Variants in NSD1 observed in about 807,000 individuals in gnomAD.
NSD1 encodes histone-lysine N-methyltransferase, H3 lysine-36 specific.
NSD1 carries 26 observed loss-of-function variants against 242.7 expected under a neutral mutation model. That is an observed-to-expected ratio of 0.11 (90% CI 0.08 to 0.15). The LOEUF (loss-of-function observed/expected upper bound fraction) is 0.15, where lower values mean the gene tolerates loss of function less well. NSD1 is among the 10% of genes least tolerant of loss of function. The probability of loss-of-function intolerance (pLI) is 1.00; values close to 1 mark genes in which losing one functional copy is unlikely to be tolerated. For synonymous variants in NSD1, 1,106 were observed against 1,178.1 expected (o/e 0.94, Z 1.25); for missense variants, 2,495 against 3,272.8 (o/e 0.76, Z 5.80).
chr5:177,230,375 G>A (rs1026679788), intron 5 of NSD1, among the ~76,000 whole-genome samples: 8 of 152,128 alleles, frequency 5.3e-5, no homozygotes, highest in African/African-American at 1.9e-4. Context: ...GATGTATCCA[G>A]TACAGAATTT....
At chr5:177,288,576 A>C (rs913119802) in intron 20 of NSD1, 4 of 442,336 alleles carry the variant, frequency 9.0e-6, no homozygotes, top group South Asian at 7.8e-5. Context: ...ACTTGAGGTA[A>C]TTAACACCTC....
In NSD1 at chr5:177,238,570, G is replaced by C; in HGVS notation, c.4192+63G>C. On this transcript the variant is annotated intron_variant, in intron 7 of 22. Coordinates refer to ENST00000439151, the MANE Select transcript of NSD1 (RefSeq NM_022455.5). The surrounding 1 kb of genome is among the most constrained non-coding windows in gnomAD (Gnocchi z 4.6). ...TGATTAGAGGAAGCAGGAGATTTTAGTATGTTTTGATGTAAAGCCAACATT... is the reference window on the plus strand; with the variant it reads ...TGATTAGAGGAAGCAGGAGATTTTACTATGTTTTGATGTAAAGCCAACATT... 2 of 1,584,192 alleles carry C rather than the reference G, an allele frequency of 1.3e-6. No individual in the cohort carries two copies. Among genetic ancestry groups the C allele is most frequent in the Non-Finnish European group, 1.7e-6 (2 of 1,164,012 alleles).
At chr5:177,208,936 T>C (rs1453834729) in intron 4 of NSD1, among the ~76,000 whole-genome samples, 1 of 151,970 alleles carries the variant, frequency 6.6e-6, no homozygotes, top group Admixed American at 6.6e-5. Context: ...CCTGAGGTGA[T>C]TCGTCCTCCT....
chr5:177,143,131 G>A (rs983504272), intron 2 of NSD1, among the ~76,000 whole-genome samples: 1 of 152,144 alleles, frequency 6.6e-6, no homozygotes, highest in Non-Finnish European at 1.5e-5. Flanking sequence ...TTTTAGAAAG[G>A]TGATAAGTGG....
intron 16 of NSD1, among the ~76,000 whole-genome samples, chr5:177,272,649 G>C (rs1455549898): frequency 6.6e-6 from 1 of 152,168 alleles, no homozygotes; most frequent in Non-Finnish European, 1.5e-5. Context: ...TAACACTTTG[G>C]AAGGCTGAGG....
intron 2 of NSD1, among the ~76,000 whole-genome samples, chr5:177,149,412 G>T (rs552903820): frequency 6.6e-6 from 1 of 151,674 alleles, no homozygotes; most frequent in Admixed American, 6.6e-5. Flanking sequence ...TAGACATGGG[G>T]TTTCACCACG....
At chr5:177,233,503 G>A (rs958226827) in intron 5 of NSD1, among the ~76,000 whole-genome samples, 4 of 148,196 alleles carry the variant, frequency 2.7e-5, no homozygotes, top group East Asian at 4.0e-4. Flanking sequence ...GGTGTAGCTC[G>A]CATTATAGAC....
chr5:177,212,390 G>A (rs1352039730), intron 5 of NSD1, among the ~76,000 whole-genome samples, 195 bp downstream of exon 5: 1 of 151,608 alleles, frequency 6.6e-6, no homozygotes, highest in Non-Finnish European at 1.5e-5. Context: ...ATATTCAAAA[G>A]TTAAACTTTA....
At chr5:177,284,072 C>G (rs1199194098) in intron 20 of NSD1, 144 bp downstream of exon 20, 7 of 995,978 alleles carry the variant, frequency 7.0e-6, no homozygotes, top group Middle Eastern at 3.0e-4. Context: ...TTTGTGCAAC[C>G]ATCACCACCA....
intron 5 of NSD1, among the ~76,000 whole-genome samples, chr5:177,232,616 T>TAA (rs1765147167): frequency 2.0e-5 from 3 of 152,206 alleles, no homozygotes; most frequent in Non-Finnish European, 4.4e-5. Flanking sequence ...TAAAAGGTGA[T>TAA]AAAATGGCAC....
At chr5:177,165,564 C>A (rs918295369) in intron 2 of NSD1, among the ~76,000 whole-genome samples, 6 of 151,932 alleles carry the variant, frequency 3.9e-5, no homozygotes, top group African/African-American at 1.5e-4. Flanking sequence ...TTTTTTCCCC[C>A]ATTCTGTTTC....
At chr5:177,201,765 G>C (rs946612316) in intron 3 of NSD1, among the ~76,000 whole-genome samples, 3 of 151,412 alleles carry the variant, frequency 2.0e-5, no homozygotes, top group African/African-American at 4.8e-5. Context: ...TACCATGTTG[G>C]CCAGGTTGGT....
chr5:177,167,628 A>G (rs1759321417), intron 2 of NSD1, among the ~76,000 whole-genome samples: 1 of 151,972 alleles, frequency 6.6e-6, no homozygotes, highest in African/African-American at 2.4e-5. Flanking sequence ...ACTAGTACAC[A>G]CTGTTTTTGA....
At chr5:177,189,911 T>G (rs772550361) in intron 2 of NSD1, among the ~76,000 whole-genome samples, 4 of 152,194 alleles carry the variant, frequency 2.6e-5, no homozygotes, top group African/African-American at 4.8e-5. Context: ...GTCAATTAAC[T>G]TTGAAGTCGT....
At chr5:177,144,387 T>G (rs1392980375) in intron 2 of NSD1, among the ~76,000 whole-genome samples, 1 of 152,066 alleles carries the variant, frequency 6.6e-6, no homozygotes, top group Non-Finnish European at 1.5e-5. Context: ...TTTTTGTTTT[T>G]TTTTTTCTCT....
At chr5:177,150,339 C>T (rs371250407) in intron 2 of NSD1, among the ~76,000 whole-genome samples, 5 of 152,008 alleles carry the variant, frequency 3.3e-5, no homozygotes, top group African/African-American at 4.8e-5. Context: ...CTGTGTTGTC[C>T]GTTCTGGTCT....
intron 5 of NSD1, among the ~76,000 whole-genome samples, chr5:177,234,394 G>A (rs1486048260): frequency 2.6e-5 from 4 of 152,156 alleles, no homozygotes; most frequent in Non-Finnish European, 5.9e-5. Context: ...ATTCATAACA[G>A]AAAAAGAAAT....
rs10564918 is a variant in NSD1 at position 177,158,998 on chromosome 5, T to TTATATATA, written c.927+22988_927+22995dup. On this transcript the variant is annotated intron_variant, in intron 2 of 22. Transcript: ENST00000439151. ...TATACACACATATATATGAATGATT[T>TTATATATA]TATATATATATATATATATATATAT... Among the ~76,000 whole-genome samples, 579 of 122,572 alleles carry TTATATATA rather than the reference T, an allele frequency of 4.7e-3. 7 individuals carry two copies. Among genetic ancestry groups the TTATATATA allele is most frequent in the African/African-American group, 0.018 (486 of 26,296 alleles). 80.4% of individuals were successfully genotyped at this position (122,572 alleles called of 152,430 possible).
At chr5:177,132,707 G>A (rs1223859894), upstream of NSD1, among the ~76,000 whole-genome samples, 2 of 152,062 alleles carry the variant, frequency 1.3e-5, no homozygotes, top group Non-Finnish European at 2.9e-5. This position sits in a 1 kb window ranked among gnomAD's most constrained non-coding sequence, Gnocchi z 7.5. Context: ...GTTCCCCCGC[G>A]GAGGCCACGG....
Sources: allele counts gnomAD v4.1 joint callset (sites outside exome capture counted in the v4.1 genomes callset), GRCh38; gene constraint gnomAD v4.1.1; non-coding constraint Gnocchi (gnomAD v3.1); transcripts MANE v1.5; gene names NCBI Gene and HGNC (gene_info 2026-07-23, HGNC 2026-07-21).